UPRT: variants seen among roughly 807,000 people sequenced by gnomAD.
UPRT encodes uracil phosphoribosyltransferase homolog.
UPRT carries 5 observed loss-of-function variants against 22.6 expected under a neutral mutation model. That is an observed-to-expected ratio of 0.22 (90% CI 0.12 to 0.47). UPRT has a LOEUF of 0.47. Ranked by LOEUF, UPRT falls within the 20% of genes least tolerant of loss-of-function variation. UPRT has a pLI of 0.99. For synonymous variants in UPRT, 77 were observed against 87.7 expected (o/e 0.88, Z 0.68); for missense variants, 181 against 239.9 (o/e 0.75, Z 1.62).
chrX:75,299,599 G>T (rs1422345895), intron 4 of UPRT, 136 bp from the exon 5 acceptor site: 5 of 678,169 alleles, frequency 7.4e-6, no homozygotes, highest in Non-Finnish European at 1.0e-5. Flanking sequence ...AGAAATAAAA[G>T]CTGTCAGCTT....
intron 1 of UPRT, 91 bp from the exon 2 acceptor site, chrX:75,293,381 T>C: frequency 1.2e-6 from 1 of 857,769 alleles, no homozygotes; most frequent in Non-Finnish European, 1.6e-6. Flanking sequence ...TAGTATGTTA[T>C]AGGTCTTAAT....
chrX:75,180,611 T>C (rs1023117377), intron 4 of UPRT, among the ~76,000 whole-genome samples: 1 of 108,669 alleles, frequency 9.2e-6, no homozygotes, highest in Non-Finnish European at 1.9e-5. Flanking sequence ...CTCCACACTC[T>C]GCTCTGTCCA....
chrX:75,168,804 C>T (rs1313729861), intron 4 of UPRT, among the ~76,000 whole-genome samples: 6 of 111,492 alleles, frequency 5.4e-5, no homozygotes, highest in Admixed American at 3.8e-4. Flanking sequence ...GCTGGGATTA[C>T]GGGCATGAGC....
chrX:75,210,277 G>A (rs1246505357), intron 4 of UPRT, among the ~76,000 whole-genome samples: 1 of 111,569 alleles, frequency 9.0e-6, no homozygotes, highest in East Asian at 2.8e-4. Context: ...ATGGGCCTGG[G>A]CATTCATCCA....
chrX:75,283,924 C>T (rs897415702), intron 1 of UPRT, among the ~76,000 whole-genome samples: 2 of 111,870 alleles, frequency 1.8e-5, no homozygotes, highest in Admixed American at 1.9e-4. Flanking sequence ...TCCTCAGGAA[C>T]ACGGATTATT....
At chrX:75,280,610 G>C (rs1431406445) in intron 1 of UPRT, among the ~76,000 whole-genome samples, 1 of 111,535 alleles carries the variant, frequency 9.0e-6, no homozygotes, top group Non-Finnish European at 1.9e-5. Context: ...TGAGTTCTCT[G>C]TTCTGTTCCA....
Position 75,303,395 on chromosome X carries a change from T to G in UPRT, c.824-10T>G. Reference sequence around the variant, plus strand: ...AACATCCTACCATAATAACTTTTGTTTTTTTGAAGGTGCCAAATCAATCAT... The same window carrying G: ...AACATCCTACCATAATAACTTTTGTGTTTTTGAAGGTGCCAAATCAATCAT... On this transcript the variant is annotated splice_polypyrimidine_tract_variant and intron_variant, in intron 6 of 6. Transcript: ENST00000373383. 8.4e-7 allele frequency: 1 copy of G among 1,193,649 alleles called. No individual in the cohort carries two copies. The highest frequency in any genetic ancestry group is 1.1e-6 in the Non-Finnish European group (1 of 884,972).
intron 4 of UPRT, among the ~76,000 whole-genome samples, chrX:75,187,926 A>T (rs377017704): frequency 2.7e-5 from 3 of 111,606 alleles, no homozygotes; most frequent in Non-Finnish European, 3.8e-5. Context: ...ACATTCTTCT[A>T]AATTTTTTTC....
At chrX:75,227,589 C>T (rs950110305) in intron 4 of UPRT, among the ~76,000 whole-genome samples, 17 of 112,322 alleles carry the variant, frequency 1.5e-4, no homozygotes, top group African/African-American at 4.9e-4. Context: ...CTTCTTGCCT[C>T]GTAGTCTGAT....
intron 4 of UPRT, among the ~76,000 whole-genome samples, chrX:75,205,502 G>T (rs2082363261): frequency 9.0e-6 from 1 of 111,091 alleles, no homozygotes; most frequent in African/African-American, 3.3e-5. Flanking sequence ...GCACAATGAG[G>T]TTGGTCCTGT....
intron 4 of UPRT, among the ~76,000 whole-genome samples, chrX:75,177,690 G>A (rs2082252995): frequency 9.0e-6 from 1 of 111,624 alleles, no homozygotes; most frequent in South Asian, 3.8e-4. Context: ...TATCCTAGCT[G>A]CAGGAATAGC....
At chrX:75,180,364 C>T (rs2082264977) in intron 4 of UPRT, among the ~76,000 whole-genome samples, 2 of 111,737 alleles carry the variant, frequency 1.8e-5, no homozygotes, top group Admixed American at 9.5e-5. Context: ...TGACTCAGCT[C>T]CAGGTAAGCT....
intron 4 of UPRT, among the ~76,000 whole-genome samples, chrX:75,205,739 G>A (rs897505548): frequency 3.6e-5 from 4 of 111,842 alleles, no homozygotes; most frequent in African/African-American, 9.8e-5. Context: ...AGGAGTGTTT[G>A]GAGGATGGAC....
Position 75,299,952 on chromosome X carries a change from G to A in UPRT, c.724+56G>A, listed in dbSNP as rs1036724638. 293 of 1,152,288 alleles carry A rather than the reference G, an allele frequency of 2.5e-4. 4 individuals are homozygous for A. The Admixed American group carries it at 6.6e-3, about 26-fold the overall frequency. 95.0% of individuals were successfully genotyped at this position (1,152,288 alleles called of 1,213,427 possible). On this transcript the variant is annotated intron_variant, in intron 5 of 6. Transcript: ENST00000373383. ...GGTTAGGGTTTAAATTCAACTTAGTGCCTGCCTCCTAGGTACCCTTATATA... is the reference window on the plus strand; with the variant it reads ...GGTTAGGGTTTAAATTCAACTTAGTACCTGCCTCCTAGGTACCCTTATATA...
intron 4 of UPRT, among the ~76,000 whole-genome samples, chrX:75,259,422 G>C (rs182015937): frequency 4.6e-5 from 5 of 108,632 alleles, no homozygotes; most frequent in Non-Finnish European, 7.6e-5. Flanking sequence ...AGAAATGACC[G>C]GATGGAGCTC....
intron 6 of UPRT, among the ~76,000 whole-genome samples, chrX:75,302,274 AAC>A (rs942080782): frequency 2.7e-5 from 3 of 111,726 alleles, no homozygotes; most frequent in Non-Finnish European, 3.8e-5. Flanking sequence ...ATATATATAA[AAC>A]ACAGGTGGCA....
chrX:75,292,801 G>A (rs1347926750), intron 1 of UPRT, among the ~76,000 whole-genome samples: 1 of 110,914 alleles, frequency 9.0e-6, no homozygotes, highest in Non-Finnish European at 1.9e-5. Context: ...GTGGGTAGAC[G>A]TAGCCCTGGA....
At chrX:75,185,410 G>A (rs1171517491) in intron 4 of UPRT, among the ~76,000 whole-genome samples, 4 of 111,820 alleles carry the variant, frequency 3.6e-5, no homozygotes, top group Non-Finnish European at 7.5e-5. Flanking sequence ...ATGTGCTGCT[G>A]GATTTGGTTT....
At chrX:75,276,900 A>C (rs2082633748) in intron 1 of UPRT, among the ~76,000 whole-genome samples, 1 of 110,650 alleles carries the variant, frequency 9.0e-6, no homozygotes, top group South Asian at 3.9e-4. Flanking sequence ...CACCCAACCC[A>C]CCCAAAGCCC....
Sources: gnomAD v4.1 joint callset for allele counts (sites outside exome capture counted in the v4.1 genomes callset) on GRCh38, gnomAD v4.1.1 for gene constraint, MANE v1.5 for transcripts, NCBI Gene and HGNC (gene_info 2026-07-23, HGNC 2026-07-21) for gene names.